AGBL4: variants seen among roughly 807,000 people sequenced by gnomAD.
AGBL4 encodes the protein cytosolic carboxypeptidase 6.
In AGBL4, 58 loss-of-function variants were observed where a neutral mutation model predicts 66.4. That is an observed-to-expected ratio of 0.87 (90% CI 0.71 to 1.09). The LOEUF is 1.09. Among genes scored for constraint, AGBL4 ranks in the 50% least tolerant of loss-of-function variants. The probability of loss-of-function intolerance (pLI) is 0.00; values close to 1 mark genes in which losing one functional copy is unlikely to be tolerated. For missense variants in AGBL4, 579 were observed against 631.0 expected (o/e 0.92, Z 0.88); for synonymous variants, 234 against 222.9 (o/e 1.05, Z -0.44).
At chr1:49,030,016 T>A (rs1664073629) in intron 5 of AGBL4, among the ~76,000 whole-genome samples, 1 of 152,104 alleles carries the variant, frequency 6.6e-6, no homozygotes, top group South Asian at 2.1e-4. Flanking sequence ...TTAAAATGAA[T>A]CATAAACATC....
intron 5 of AGBL4, among the ~76,000 whole-genome samples, chr1:48,967,301 A>G (rs1056375337): frequency 6.6e-6 from 1 of 152,076 alleles, no homozygotes; most frequent in Non-Finnish European, 1.5e-5. Flanking sequence ...CTATCATCAT[A>G]ATTCTGCTGC....
chr1:49,536,932 G>A (rs577234787), intron 3 of AGBL4, among the ~76,000 whole-genome samples: 53 of 152,002 alleles, frequency 3.5e-4, no homozygotes, highest in Non-Finnish European at 5.4e-4. Context: ...ACTTAAACCC[G>A]GGAGCTGGAA....
At chr1:49,272,558 G>A (rs1362970539) in intron 3 of AGBL4, among the ~76,000 whole-genome samples, 2 of 152,044 alleles carry the variant, frequency 1.3e-5, no homozygotes, top group African/African-American at 4.8e-5. Context: ...AATTGTCTCT[G>A]TACTTTACAT....
chr1:49,392,660 T>C (rs1644875581), intron 3 of AGBL4, among the ~76,000 whole-genome samples: 1 of 151,832 alleles, frequency 6.6e-6, no homozygotes, highest in African/African-American at 2.4e-5. Context: ...CACATGCCAA[T>C]TTCACATGTC....
At chr1:48,864,729 A>T (rs1176060136) in intron 6 of AGBL4, among the ~76,000 whole-genome samples, 1 of 152,166 alleles carries the variant, frequency 6.6e-6, no homozygotes. Context: ...TGATACAAAG[A>T]TAAGGAAAAA....
At chr1:49,889,612 C>T (rs1027206507) in intron 1 of AGBL4, among the ~76,000 whole-genome samples, 2 of 152,016 alleles carry the variant, frequency 1.3e-5, no homozygotes, top group Non-Finnish European at 2.9e-5. Context: ...AAAAAAATAG[C>T]TGGGCGTGGT....
chr1:49,070,984 A>C (rs1257398194), intron 4 of AGBL4, among the ~76,000 whole-genome samples: 3 of 151,956 alleles, frequency 2.0e-5, no homozygotes, highest in Non-Finnish European at 4.4e-5. Flanking sequence ...GGGTGTAAGC[A>C]TCCAGGAATT....
At chr1:49,566,289 T>C (rs1644202175) in intron 3 of AGBL4, among the ~76,000 whole-genome samples, 2 of 152,240 alleles carry the variant, frequency 1.3e-5, no homozygotes, top group Non-Finnish European at 2.9e-5. Flanking sequence ...TGAAGCCTTC[T>C]TCTCTCAATT....
intron 3 of AGBL4, among the ~76,000 whole-genome samples, chr1:49,545,262 A>G (rs1652380362): frequency 6.6e-6 from 1 of 152,174 alleles, no homozygotes; most frequent in Non-Finnish European, 1.5e-5. Context: ...GGGGAGGCCC[A>G]TGTAGCAAAA....
intron 1 of AGBL4, among the ~76,000 whole-genome samples, chr1:49,889,135 G>C (rs1557551430): frequency 6.6e-6 from 1 of 152,160 alleles, no homozygotes; most frequent in South Asian, 2.1e-4. Flanking sequence ...CGTGTAGTTG[G>C]TGGAAAATGA....
At chr1:50,004,837 G>C (rs1297713598) in intron 1 of AGBL4, among the ~76,000 whole-genome samples, 1 of 152,096 alleles carries the variant, frequency 6.6e-6, no homozygotes, top group Non-Finnish European at 1.5e-5. Context: ...CACACTCCCA[G>C]CTGTGGTGGC....
rs553425088 is a variant in AGBL4, at chr1:48,758,802, G to A, written c.635-95561C>T. The A allele has an allele frequency of 7.2e-6, 8 of 1,116,256 alleles. No homozygotes were observed. The South Asian group carries it at 1.3e-4, about 18-fold the overall frequency. 69.1% of individuals were successfully genotyped at this position (1,116,256 alleles called of 1,614,324 possible). A position where few individuals can be genotyped will look rare whatever the true frequency, so the allele number is the denominator to read the frequency against. ...AGAGTCTGTCCTTCCCTAGCCTCAG[G>A]GCACTTGGTCTCCCTCTCCCCTTTC... On this transcript the variant is annotated intron_variant, in intron 6 of 13. Coordinates refer to ENST00000371839, the MANE Select transcript of AGBL4 (RefSeq NM_032785.4).
intron 4 of AGBL4, among the ~76,000 whole-genome samples, chr1:49,130,259 AG>A (rs1265961373): frequency 6.6e-6 from 1 of 152,066 alleles, no homozygotes; most frequent in Non-Finnish European, 1.5e-5. Context: ...CCCATTTTGT[AG>A]GTTGCCTGTT....
Position 49,987,008 on chromosome 1 carries a change from T to C in AGBL4, c.34+36755A>G, listed in dbSNP as rs897398189. On this transcript the variant is annotated intron_variant, in intron 1 of 13. Coordinates refer to ENST00000371839, the MANE Select transcript of AGBL4 (RefSeq NM_032785.4). ...CTATCCCCCAAAAATCTGCAGAAGA[T>C]TTTGATGGGTCACTTATTCCTCTAG... Among the ~76,000 whole-genome samples the C allele has an allele frequency of 5.3e-5, 8 of 152,134 alleles. No homozygotes were observed. In the South Asian group the frequency reaches 8.3e-4, roughly 16 times the overall value.
At chr1:48,705,220 C>T (rs1646863810) in intron 6 of AGBL4, among the ~76,000 whole-genome samples, 1 of 151,816 alleles carries the variant, frequency 6.6e-6, no homozygotes, top group Non-Finnish European at 1.5e-5. Flanking sequence ...AAATAAAAAA[C>T]AGTTTATTAA....
chr1:49,880,229 G>C (rs1443193495), intron 1 of AGBL4, among the ~76,000 whole-genome samples: 1 of 151,882 alleles, frequency 6.6e-6, no homozygotes, highest in Non-Finnish European at 1.5e-5. Flanking sequence ...TGGAGGAGGA[G>C]AGGCGCTCTG....
At chr1:49,038,697 C>A (rs1033801516) in intron 5 of AGBL4, among the ~76,000 whole-genome samples, 3 of 152,012 alleles carry the variant, frequency 2.0e-5, no homozygotes, top group Admixed American at 1.3e-4. Context: ...ACACTGACAA[C>A]ACTACATGCT....
intron 5 of AGBL4, among the ~76,000 whole-genome samples, chr1:48,992,833 A>G (rs966964199): frequency 2.6e-5 from 4 of 152,116 alleles, no homozygotes; most frequent in African/African-American, 9.7e-5. Context: ...CTCTTCAGTC[A>G]GCTTGTAGTG....
intron 4 of AGBL4, among the ~76,000 whole-genome samples, chr1:49,115,877 C>T (rs1044226673): frequency 1.3e-5 from 2 of 151,950 alleles, no homozygotes; most frequent in Admixed American, 6.6e-5. Flanking sequence ...GGTAATGTGT[C>T]GGTGGCTGGG....
Sources: allele counts gnomAD v4.1 joint callset (sites outside exome capture counted in the v4.1 genomes callset), GRCh38; gene constraint gnomAD v4.1.1; transcripts MANE v1.5; gene names NCBI Gene and HGNC (gene_info 2026-07-23, HGNC 2026-07-21).